Variants in STX12 observed in about 807,000 individuals in gnomAD.
STX12 encodes syntaxin 12.
In STX12, 17 loss-of-function variants were observed where a neutral mutation model predicts 42.2. That is an observed-to-expected ratio of 0.40 (90% CI 0.28 to 0.60). The LOEUF is 0.60. Ranked by LOEUF, STX12 falls within the 20% of genes least tolerant of loss-of-function variation. The pLI is 0.39. For missense variants in STX12, 297 were observed against 330.9 expected (o/e 0.90, Z 0.79); for synonymous variants, 108 against 116.7 (o/e 0.93, Z 0.48).
At chr1:27,806,400 A>G (rs1399377903) in intron 4 of STX12, among the ~76,000 whole-genome samples, 3 of 152,160 alleles carry the variant, frequency 2.0e-5, no homozygotes, top group Admixed American at 1.3e-4. Context: ...GGTATTCCCT[A>G]AAAAAAGTGG....
At chr1:27,775,815 A>G (rs1396004579) in intron 1 of STX12, among the ~76,000 whole-genome samples, 3 of 152,176 alleles carry the variant, frequency 2.0e-5, no homozygotes, top group African/African-American at 7.2e-5. Flanking sequence ...GGTAAAGAGG[A>G]GAAGAGCATT....
At chr1:27,798,143 T>C (rs1044248937) in intron 3 of STX12, among the ~76,000 whole-genome samples, 4 of 152,178 alleles carry the variant, frequency 2.6e-5, no homozygotes, top group African/African-American at 7.2e-5. Flanking sequence ...AGCCATTACA[T>C]TGGGGCTTAC....
At chr1:27,812,080 T>G in intron 5 of STX12, 83 bp from the exon 6 acceptor site, 2 of 1,152,772 alleles carry the variant, frequency 1.7e-6, no homozygotes, top group Non-Finnish European at 2.5e-6. Flanking sequence ...TTGCATAGGT[T>G]CTGCTGGCAG....
chr1:27,774,661 AT>A (rs2088616738), intron 1 of STX12, among the ~76,000 whole-genome samples: 1 of 144,426 alleles, frequency 6.9e-6, no homozygotes, highest in Admixed American at 6.7e-5. Context: ...GCCTAGCCTA[AT>A]TTTTTTGATT....
rs149206511 is a variant in STX12 at position 27,785,397 on chromosome 1, C to T, written c.119-4165C>T. Among the ~76,000 whole-genome samples, 53 of 152,232 alleles carry T rather than the reference C, an allele frequency of 3.5e-4. No homozygotes were observed. In the South Asian group the frequency reaches 4.8e-3, roughly 14 times the overall value. ...GTGGAACCTTTCTAAGCCAAACTTT[C>T]GGGTTGCAAAAGTACTCCTTGGTTA... is the stretch of plus-strand genomic sequence containing the variant. On this transcript the variant is annotated intron_variant, in intron 1 of 8. Transcript: ENST00000373943.
At chr1:27,815,176 TAGAG>T (rs1334645223) in intron 6 of STX12, among the ~76,000 whole-genome samples, 2 of 152,138 alleles carry the variant, frequency 1.3e-5, no homozygotes, top group Non-Finnish European at 1.5e-5. Context: ...ATCAGTGACT[TAGAG>T]GGAGGGAGTC....
chr1:27,804,047 CA>C (rs1353377704), intron 4 of STX12, among the ~76,000 whole-genome samples: 2 of 151,894 alleles, frequency 1.3e-5, no homozygotes, highest in Non-Finnish European at 2.9e-5. Context: ...TCCCATGAAT[CA>C]ATATGAAAAA....
intron 6 of STX12, among the ~76,000 whole-genome samples, chr1:27,813,018 A>G (rs1035041769): frequency 4.6e-5 from 7 of 152,166 alleles, no homozygotes; most frequent in Non-Finnish European, 5.9e-5. Flanking sequence ...CCATTTTTGT[A>G]TATCCTAAAG....
At chr1:27,811,532 T>G (rs1342054151) in intron 5 of STX12, among the ~76,000 whole-genome samples, 1 of 152,098 alleles carries the variant, frequency 6.6e-6, no homozygotes, top group Non-Finnish European at 1.5e-5. Flanking sequence ...GATGAGGGTT[T>G]TGCTATGTTA....
At chr1:27,799,718 G>A (rs895612345) in intron 3 of STX12, among the ~76,000 whole-genome samples, 1 of 151,752 alleles carries the variant, frequency 6.6e-6, no homozygotes, top group Non-Finnish European at 1.5e-5. Flanking sequence ...TCCTGGCCTC[G>A]TGATCTGCCT....
intron 5 of STX12, among the ~76,000 whole-genome samples, chr1:27,811,133 A>G (rs2088900569): frequency 6.6e-6 from 1 of 151,830 alleles, no homozygotes; most frequent in Non-Finnish European, 1.5e-5. Flanking sequence ...CAGCCTGGCC[A>G]ACATGGTGAA....
intron 4 of STX12, among the ~76,000 whole-genome samples, chr1:27,808,829 A>G (rs966765376): frequency 6.6e-6 from 1 of 152,186 alleles, no homozygotes; most frequent in Non-Finnish European, 1.5e-5. Flanking sequence ...TTAAAGTAGC[A>G]CTATATGCTT....
intron 2 of STX12, among the ~76,000 whole-genome samples, chr1:27,791,574 G>A (rs947182076): frequency 3.3e-5 from 5 of 152,182 alleles, no homozygotes; most frequent in Non-Finnish European, 5.9e-5. Context: ...CCAGCACTCT[G>A]GGAGGCCGAG....
At chr1:27,799,909 G>A (rs2088815985) in intron 3 of STX12, among the ~76,000 whole-genome samples, 1 of 152,220 alleles carries the variant, frequency 6.6e-6, no homozygotes, top group South Asian at 2.1e-4. Flanking sequence ...CTGCCACCAT[G>A]TCTAGGTAAT....
chr1:27,821,751 C>T (rs1007849924), intron 8 of STX12, among the ~76,000 whole-genome samples: 1 of 152,012 alleles, frequency 6.6e-6, no homozygotes, highest in African/African-American at 2.4e-5. Flanking sequence ...GTGCGGTGGC[C>T]CACGCCTGTA....
intron 3 of STX12, among the ~76,000 whole-genome samples, chr1:27,800,198 G>C (rs2088818015): frequency 6.6e-6 from 1 of 152,162 alleles, no homozygotes; most frequent in Non-Finnish European, 1.5e-5. Flanking sequence ...CCATGCCTTT[G>C]CTCACACTAT....
intron 6 of STX12, among the ~76,000 whole-genome samples, chr1:27,814,923 T>A (rs938130541): frequency 2.6e-5 from 4 of 151,374 alleles, no homozygotes; most frequent in African/African-American, 9.7e-5. Context: ...TGAAAATATT[T>A]AAAAAAAACT....
chr1:27,788,380 C>G (rs2088713138), intron 1 of STX12, among the ~76,000 whole-genome samples: 1 of 152,186 alleles, frequency 6.6e-6, no homozygotes, highest in Non-Finnish European at 1.5e-5. Context: ...CAGGAGTGTT[C>G]AGAGTCCCAG....
intron 6 of STX12, among the ~76,000 whole-genome samples, chr1:27,816,864 C>T (rs12069080): frequency 0.13 from 18,649 of 145,960 alleles, 3,837 homozygotes; most frequent in African/African-American, 0.43. Context: ...TGCAGTGAGA[C>T]GAGATTGTGC....
Sources: gnomAD v4.1 joint callset for allele counts (sites outside exome capture counted in the v4.1 genomes callset) on GRCh38, gnomAD v4.1.1 for gene constraint, MANE v1.5 for transcripts, NCBI Gene and HGNC (gene_info 2026-07-23, HGNC 2026-07-21) for gene names.